The following MTF1 variants were observed in gnomAD, a reference collection of about 807,000 sequenced individuals.
The protein encoded by MTF1 is metal regulatory transcription factor 1.
A neutral mutation model predicts 70.4 loss-of-function variants in MTF1; 22 were observed. That is an observed-to-expected ratio of 0.31 (90% CI 0.22 to 0.45). The LOEUF is 0.45. Among genes scored for constraint, MTF1 ranks in the 20% least tolerant of loss-of-function variants. MTF1 has a pLI of 1.00. For synonymous variants in MTF1, 333 were observed against 352.8 expected (o/e 0.94, Z 0.63); for missense variants, 649 against 922.0 (o/e 0.70, Z 3.83).
chr1:37,817,304 C>T (rs1640834789), intron 10 of MTF1, 115 bp downstream of exon 10: 1 of 730,938 alleles, frequency 1.4e-6, no homozygotes, highest in African/African-American at 1.8e-5. Context: ...AAGAATTTAA[C>T]TGAGGCTGTT....
intron 9 of MTF1, among the ~76,000 whole-genome samples, chr1:37,819,158 T>C (rs889444436): frequency 2.0e-5 from 3 of 152,154 alleles, no homozygotes; most frequent in African/African-American, 7.2e-5. Context: ...CCTCCATAAA[T>C]GTAAGAAATA....
intron 4 of MTF1, among the ~76,000 whole-genome samples, chr1:37,837,515 A>T (rs1001654538): frequency 1.6e-4 from 24 of 150,904 alleles, no homozygotes; most frequent in Non-Finnish European, 2.8e-4. Flanking sequence ...TTTTATTTTT[A>T]TTTTTTTTGA....
chr1:37,856,539 GC>G (rs1641499483), intron 2 of MTF1, among the ~76,000 whole-genome samples: 2 of 132,978 alleles, frequency 1.5e-5, no homozygotes, highest in Non-Finnish European at 3.1e-5. Flanking sequence ...TCACTCTATC[GC>G]CCAGGCTGGA....
chr1:37,857,171 C>G, intron 2 of MTF1, 80 bp downstream of exon 2: 1 of 1,433,958 alleles, frequency 7.0e-7, no homozygotes, highest in Non-Finnish European at 9.6e-7. Context: ...TCCTTTACTC[C>G]CCAGCTAAAA....
At chr1:37,829,238 G>A (rs535439364) in intron 7 of MTF1, among the ~76,000 whole-genome samples, 3 of 150,944 alleles carry the variant, frequency 2.0e-5, no homozygotes, top group South Asian at 2.1e-4. Context: ...CCAGATAGCT[G>A]GGACAACACC....
At chr1:37,843,864 A>T (rs987156084) in intron 2 of MTF1, among the ~76,000 whole-genome samples, 1 of 78,354 alleles carries the variant, frequency 1.3e-5, no homozygotes, top group Non-Finnish European at 2.6e-5. Flanking sequence ...CTCCCCTCCC[A>T]CCCCTCCCCC....
chr1:37,820,089 G>A (rs1640888500), intron 9 of MTF1, among the ~76,000 whole-genome samples: 1 of 152,030 alleles, frequency 6.6e-6, no homozygotes, highest in African/African-American at 2.4e-5. Flanking sequence ...ATGGAGGCGG[G>A]CTGGGTCACA....
chr1:37,841,060 C>A, intron 2 of MTF1: 1 of 200,436 alleles, frequency 5.0e-6, no homozygotes, highest in East Asian at 1.4e-4. Context: ...AGCTCTTCTC[C>A]CTGCCCATTA....
intron 5 of MTF1, 147 bp downstream of exon 5, chr1:37,835,524 C>T (rs1344294794): frequency 4.5e-6 from 3 of 669,240 alleles, no homozygotes; most frequent in Non-Finnish European, 2.6e-6. Flanking sequence ...CTGAAAGAAA[C>T]CCAAACATTC....
At chr1:37,855,251 C>G (rs190826864) in intron 2 of MTF1, among the ~76,000 whole-genome samples, 2 of 152,244 alleles carry the variant, frequency 1.3e-5, no homozygotes, top group East Asian at 3.9e-4. Context: ...AAAGTTTACT[C>G]AGGAAGGCAG....
intron 7 of MTF1, among the ~76,000 whole-genome samples, chr1:37,831,141 C>T (rs187229331): frequency 6.6e-6 from 1 of 152,294 alleles, no homozygotes; most frequent in East Asian, 1.9e-4. Context: ...ATTGGTTGCT[C>T]ACCAGTGCCT....
chr1:37,857,931 C>A (rs1481350122), intron 1 of MTF1, among the ~76,000 whole-genome samples: 1 of 150,632 alleles, frequency 6.6e-6, no homozygotes, highest in Non-Finnish European at 1.5e-5. Flanking sequence ...AATCCCAACA[C>A]TTTGGGAGGC....
chr1:37,831,012 C>T (rs1041751220), intron 7 of MTF1, among the ~76,000 whole-genome samples: 2 of 152,202 alleles, frequency 1.3e-5, no homozygotes, highest in South Asian at 2.1e-4. Flanking sequence ...AGTTTGGCTG[C>T]CTCGTTGGGT....
Position 37,815,181 on chromosome 1 carries a change from C to A in MTF1, c.2217G>T (p.Leu739=), listed in dbSNP as rs745772180. 5.6e-6 allele frequency: 9 copies of A among 1,614,146 alleles called. No individual in the cohort carries two copies. In the South Asian group the frequency reaches 9.9e-5, roughly 18 times the overall value. Residue 739 remains leucine, a synonymous_variant, in exon 11 of 11, where the codon CTG becomes CTT. Transcript: ENST00000373036. This position sits in a 1 kb window ranked among gnomAD's most constrained non-coding sequence, Gnocchi z 4.5. ...TGAGGCCCATCTCCTCCTCCCCCTG[C>A]AGTAGTGCTTCAATGGGAATCAGAT... ...PSNLIPIEAL[L]QGEEEMGLTS...
At chr1:37,846,877 G>C (rs750160935) in intron 2 of MTF1, among the ~76,000 whole-genome samples, 4 of 152,186 alleles carry the variant, frequency 2.6e-5, no homozygotes, top group Non-Finnish European at 4.4e-5. Flanking sequence ...TTCCACAAGA[G>C]AGTTCCTGCT....
intron 7 of MTF1, among the ~76,000 whole-genome samples, chr1:37,825,316 A>C (rs1640986516): frequency 6.6e-6 from 1 of 152,094 alleles, no homozygotes; most frequent in African/African-American, 2.4e-5. Flanking sequence ...AGCTCCCCGC[A>C]GCCTTCAACT....
chr1:37,851,960 C>CT (rs1641424311), intron 2 of MTF1, among the ~76,000 whole-genome samples: 1 of 152,106 alleles, frequency 6.6e-6, no homozygotes, highest in African/African-American at 2.4e-5. Context: ...CCCCAGTGCT[C>CT]TGCTGCAAGT....
At chr1:37,842,666 A>G (rs962892295) in intron 2 of MTF1, among the ~76,000 whole-genome samples, 3 of 152,236 alleles carry the variant, frequency 2.0e-5, no homozygotes, top group African/African-American at 7.2e-5. Context: ...GATGCGGTAG[A>G]AGAAGCACTA....
Position 37,840,075 on chromosome 1 carries a change from G to A in MTF1, c.492C>T (p.His164=), listed in dbSNP as rs1428969457. ...AGNLRTHQKT[H]RGEYTFVCNQ... is the part of the protein sequence containing the mutation. ...TACAGACAAAGGTGTACTCTCCTCG[G>A]TGAGTCTTCTGGTGGGTTCGCAGGT... The change falls in exon 3 of 11, where the codon CAC becomes CAT. Residue 164 remains histidine, a synonymous_variant. Transcript: ENST00000373036. This position sits in a 1 kb window ranked among gnomAD's most constrained non-coding sequence, Gnocchi z 4.5. The A allele has an allele frequency of 1.2e-6, 2 of 1,614,234 alleles. No homozygotes were observed. The highest frequency in any genetic ancestry group is 1.7e-6 in the Non-Finnish European group (2 of 1,180,044).
Sources: gnomAD v4.1 joint callset for allele counts (sites outside exome capture counted in the v4.1 genomes callset) on GRCh38, gnomAD v4.1.1 for gene constraint, Gnocchi (gnomAD v3.1) non-coding constraint, MANE v1.5 for transcripts, NCBI Gene and HGNC (gene_info 2026-07-23, HGNC 2026-07-21) for gene names.